The following CADPS variants were observed in gnomAD, a reference collection of about 807,000 sequenced individuals.
The protein encoded by CADPS is calcium-dependent secretion activator 1.
Under a neutral mutation model 167.3 loss-of-function variants are expected in CADPS, and 57 were observed. The observed-to-expected ratio is 0.34, with a 90% CI of 0.28 to 0.42. The LOEUF is 0.42. CADPS is among the 20% of genes least tolerant of loss of function. The probability of loss-of-function intolerance (pLI) is 1.00; values close to 1 mark genes in which losing one functional copy is unlikely to be tolerated. For missense variants in CADPS, 1,414 were observed against 1,738.1 expected, an observed-to-expected ratio of 0.81 and a Z score of 3.32; for synonymous variants, 676 against 635.3, an observed-to-expected ratio of 1.06 and a Z score of -0.96.
intron 28 of CADPS, among the ~76,000 whole-genome samples, chr3:62,408,578 A>G (rs1189394387): frequency 6.6e-6 from 1 of 152,186 alleles, no homozygotes; most frequent in Non-Finnish European, 1.5e-5. Context: ...TCTGGATACT[A>G]TCTAATCAGC....
At chr3:62,411,742 C>A (rs1161731897) in intron 28 of CADPS, among the ~76,000 whole-genome samples, 1 of 152,192 alleles carries the variant, frequency 6.6e-6, no homozygotes, top group Non-Finnish European at 1.5e-5. Context: ...AACCCTGGCA[C>A]GTTCAAGCCG....
At chr3:62,587,569 A>G (rs550160247) in intron 7 of CADPS, among the ~76,000 whole-genome samples, 13 of 152,316 alleles carry the variant, frequency 8.5e-5, no homozygotes, top group African/African-American at 3.1e-4. Flanking sequence ...AACCGCGGTA[A>G]GTAAGAAAGG....
chr3:62,581,878 A>G (rs1056200325), intron 8 of CADPS, among the ~76,000 whole-genome samples: 5 of 152,222 alleles, frequency 3.3e-5, no homozygotes, highest in Admixed American at 3.3e-4. Context: ...TGAAAACACC[A>G]TGCAGATATA....
At chr3:62,619,086 C>T (rs757852617) in intron 6 of CADPS, among the ~76,000 whole-genome samples, 2 of 152,178 alleles carry the variant, frequency 1.3e-5, no homozygotes, top group Non-Finnish European at 2.9e-5. Context: ...CTTACAGAAC[C>T]TCTGTGGCTA....
intron 1 of CADPS, among the ~76,000 whole-genome samples, chr3:62,846,054 GCTCTCTCTCTCTCT>G (rs112418953): frequency 1.3e-5 from 2 of 148,154 alleles, no homozygotes; most frequent in Non-Finnish European, 3.0e-5. Flanking sequence ...TTCCCCCTTT[GCTCTCTCTCTCTCT>G]CTCTCTCTCT....
chr3:62,701,998 T>C (rs2081487184), intron 3 of CADPS, among the ~76,000 whole-genome samples: 1 of 152,130 alleles, frequency 6.6e-6, no homozygotes, highest in South Asian at 2.1e-4. Flanking sequence ...TTATGTAAAA[T>C]GCTTATTTAC....
At chr3:62,867,650 A>C (rs917715186) in intron 1 of CADPS, among the ~76,000 whole-genome samples, 1 of 152,172 alleles carries the variant, frequency 6.6e-6, no homozygotes, top group East Asian at 1.9e-4. Flanking sequence ...TTTCATGATG[A>C]TAATAGCAAT....
rs566073436 is a variant in CADPS at position 62,490,945 on chromosome 3, A to G, written c.3026+394T>C. 1.8e-4 allele frequency among the ~76,000 whole-genome samples: 28 copies of G among 152,328 alleles called. No homozygotes were observed. The East Asian group carries it at 2.7e-3, about 15-fold the overall frequency. On this transcript the variant is annotated intron_variant, in intron 21 of 29. Coordinates refer to ENST00000383710, the MANE Select transcript of CADPS (RefSeq NM_003716.4). ...CTAAGTATATAGTATATGGCCTTTT[A>G]TAGAAAAAGTTTGCTGACCTCCCTG...
intron 1 of CADPS, among the ~76,000 whole-genome samples, chr3:62,862,083 A>T (rs1433594457): frequency 6.6e-6 from 1 of 152,142 alleles, no homozygotes; most frequent in East Asian, 1.9e-4. Context: ...CCAAGATCCT[A>T]AATATAGTCT....
chr3:62,770,592 A>G (rs1427887288), intron 1 of CADPS, among the ~76,000 whole-genome samples: 1 of 151,950 alleles, frequency 6.6e-6, no homozygotes, highest in African/African-American at 2.4e-5. Context: ...CGCCCAGCTA[A>G]TTTTTGTATT....
Position 62,399,720 on chromosome 3 carries a change from G to A in CADPS, c.3883-135C>T. Reference sequence around the variant, plus strand: ...CACTTTATGCATTGTCAAATAAAAAGCCACTGTGCTTAGATTTCACTTGTA... The same window carrying A: ...CACTTTATGCATTGTCAAATAAAAAACCACTGTGCTTAGATTTCACTTGTA... On this transcript the variant is annotated intron_variant, in intron 29 of 29. Coordinates refer to ENST00000383710, the MANE Select transcript of CADPS (RefSeq NM_003716.4). The surrounding 1 kb of genome is among the most constrained non-coding windows in gnomAD (Gnocchi z 5.6). The A allele has an allele frequency of 4.6e-6, 3 of 654,984 alleles. No homozygotes were observed. In the South Asian group the frequency reaches 6.1e-5, roughly 13 times the overall value. 40.6% of individuals were successfully genotyped at this position (654,984 alleles called of 1,614,324 possible).
chr3:62,499,211 G>A lies in CADPS; in HGVS notation c.2657C>T (p.Ala886Val), dbSNP rs371103619. The change falls in exon 18 of 30, where the codon GCT becomes GTT. Residue 886 changes from alanine (A) to valine (V), a missense_variant. Ala to Val is a moderately conservative substitution (Grantham distance 64). This residue lies in a region of CADPS where 529 missense variants were observed against 629.6 expected (regional missense o/e 0.84). Coordinates refer to ENST00000383710, the MANE Select transcript of CADPS (RefSeq NM_003716.4). ...CTGAAGAACTTCAATGACTAGTTCA[G>A]CAAGACGTATTGTATCTTCAAGCTT... ...AKKLEDTIRL[A>V]ELVIEVLQQN... 9 of 1,613,850 alleles carry A rather than the reference G, an allele frequency of 5.6e-6. No individual in the cohort carries two copies. The highest frequency in any genetic ancestry group is 7.6e-6 in the Non-Finnish European group (9 of 1,179,776).
chr3:62,707,745 G>A (rs1278023076), intron 3 of CADPS, among the ~76,000 whole-genome samples: 1 of 151,994 alleles, frequency 6.6e-6, no homozygotes, highest in Non-Finnish European at 1.5e-5. Flanking sequence ...TTTTTCTACT[G>A]ACCATTTGAA....
At chr3:62,759,514 C>T (rs560800585) in intron 2 of CADPS, among the ~76,000 whole-genome samples, 5 of 152,080 alleles carry the variant, frequency 3.3e-5, no homozygotes, top group African/African-American at 9.6e-5. Context: ...ATTTAGAATA[C>T]CATAGGAAAT....
chr3:62,842,022 C>T (rs1285250872), intron 1 of CADPS, among the ~76,000 whole-genome samples: 1 of 152,150 alleles, frequency 6.6e-6, no homozygotes, highest in Non-Finnish European at 1.5e-5. Flanking sequence ...TAAAACTAAA[C>T]ATTAAAAATT....
intron 28 of CADPS, among the ~76,000 whole-genome samples, chr3:62,425,659 C>T (rs900520398): frequency 4.6e-5 from 7 of 152,186 alleles, no homozygotes; most frequent in African/African-American, 1.7e-4. Context: ...CGAATGCCTA[C>T]AAAGCAGGTA....
chr3:62,643,492 A>G (rs1416880350), intron 6 of CADPS, among the ~76,000 whole-genome samples: 5 of 152,246 alleles, frequency 3.3e-5, no homozygotes, highest in East Asian at 1.9e-4. Context: ...CATAAGCCAC[A>G]TGTATAGTTA....
intron 3 of CADPS, among the ~76,000 whole-genome samples, chr3:62,666,325 C>T (rs1341319856): frequency 5.9e-5 from 9 of 152,124 alleles, no homozygotes; most frequent in South Asian, 2.1e-4. Flanking sequence ...AGGCCATCCT[C>T]GCGTGAGGAG....
intron 6 of CADPS, among the ~76,000 whole-genome samples, chr3:62,618,421 T>C (rs2062670412): frequency 6.6e-6 from 1 of 152,156 alleles, no homozygotes; most frequent in African/African-American, 2.4e-5. Context: ...GCCTGAGTGA[T>C]GGTATCATTG....
Sources: gnomAD v4.1 joint callset for allele counts (sites outside exome capture counted in the v4.1 genomes callset) on GRCh38, gnomAD v4.1.1 for gene constraint, gnomAD v4.1.1 regional missense constraint, Gnocchi (gnomAD v3.1) non-coding constraint, MANE v1.5 for transcripts, NCBI Gene and HGNC (gene_info 2026-07-23, HGNC 2026-07-21) for gene names.